The following TRPC3 variants were observed in gnomAD, a reference collection of about 807,000 sequenced individuals.
TRPC3 encodes transient receptor potential cation channel subfamily C member 3, also known as short transient receptor potential channel 3.
In TRPC3, 54 loss-of-function variants were observed where a neutral mutation model predicts 90.9. The observed-to-expected ratio is 0.59, with a 90% CI of 0.48 to 0.75. The LOEUF (loss-of-function observed/expected upper bound fraction) is 0.75. TRPC3 is among the 30% of genes least tolerant of loss of function. The pLI, the probability that TRPC3 is intolerant of heterozygous loss-of-function variation, is 0.00. For missense variants in TRPC3, 918 were observed against 1,194.5 expected, an observed-to-expected ratio of 0.77 and a Z score of 3.41; for synonymous variants, 424 against 450.9, an observed-to-expected ratio of 0.94 and a Z score of 0.75.
rs111824166 is a variant in TRPC3, at chr4:121,890,787, C to T, written c.2548-8358G>A. Among the ~76,000 whole-genome samples, 371 of 151,828 alleles carry T rather than the reference C, an allele frequency of 2.4e-3. 1 individual carries two copies. The highest frequency in any genetic ancestry group is 7.5e-3 in the African/African-American group (311 of 41,396). On this transcript the variant is annotated intron_variant, in intron 10 of 11. Transcript: ENST00000379645. ...TGGGTGGATCATGAGGTCAGGAGAT[C>T]GAGACTATCCTGGCTAACACAATGA...
At chr4:121,900,545 G>A (rs2149116466) in intron 9 of TRPC3, among the ~76,000 whole-genome samples, 1 of 152,296 alleles carries the variant, frequency 6.6e-6, no homozygotes, top group East Asian at 1.9e-4. Flanking sequence ...GAAAACCTTA[G>A]CTAACAAAGT....
chr4:121,932,418 G>A lies in TRPC3; in HGVS notation c.840C>T (p.Ser280=), dbSNP rs1468212557. 2.5e-6 allele frequency: 4 copies of A among 1,614,202 alleles called. No individual in the cohort carries two copies. The Admixed American group carries it at 6.7e-5, about 27-fold the overall frequency. The change falls in exon 2 of 12, where the codon TCC becomes TCT. Residue 280 remains serine (S), a synonymous_variant. Transcript: ENST00000379645. This position sits in a 1 kb window ranked among gnomAD's most constrained non-coding sequence, Gnocchi z 7.7. Reference sequence around the variant, plus strand: ...TGATCCTCGAGCGTGAGTGGCTGAAGGAGTCGTGCCTCTGCTTCTCCATGC... The same window carrying A: ...TGATCCTCGAGCGTGAGTGGCTGAAAGAGTCGTGCCTCTGCTTCTCCATGC... ...GDCMEKQRHD[S]FSHSRSRINA...
At chr4:121,931,007 A>T (rs909628082) in intron 2 of TRPC3, among the ~76,000 whole-genome samples, 2 of 152,170 alleles carry the variant, frequency 1.3e-5, no homozygotes, top group African/African-American at 4.8e-5. Flanking sequence ...CATCAGAAAA[A>T]TATTTTAATG....
At chr4:121,907,242 T>G (rs1280464058) in intron 7 of TRPC3, 61 bp downstream of exon 7, 1 of 1,467,726 alleles carries the variant, frequency 6.8e-7, no homozygotes, top group Non-Finnish European at 9.2e-7. Context: ...TTTCCTTTGC[T>G]TCCTCTAGAT....
rs1288242599 is a variant in TRPC3 at position 121,951,979 on chromosome 4, A to AAG, written c.-300_-299insCT. Among the ~76,000 whole-genome samples the AAG allele has an allele frequency of 2.7e-5, 4 of 147,710 alleles. No homozygotes were observed. Among genetic ancestry groups the AAG allele is most frequent in the Non-Finnish European group, 6.0e-5 (4 of 66,788 alleles). ...GCTCTGGTGCTGGGAGAGGCTCTCC[A>AAG]GCCCCGCGGCGGCGGCGATGCCTCC... On this transcript the variant is annotated 5_prime_UTR_variant, in exon 1 of 12. It removes the in-frame stop codon of an upstream open reading frame in the 5' UTR. Transcript: ENST00000379645. This position sits in a 1 kb window ranked among gnomAD's most constrained non-coding sequence, Gnocchi z 4.4.
At chr4:121,896,864 G>A (rs952891278) in intron 10 of TRPC3, among the ~76,000 whole-genome samples, 1 of 151,908 alleles carries the variant, frequency 6.6e-6, no homozygotes, top group African/African-American at 2.4e-5. Flanking sequence ...AACAAATCTG[G>A]AAGTATCACA....
Position 121,875,777 on chromosome 4 carries a change from CTGAG to C in TRPC3, c.*3955_*3958del, listed in dbSNP as rs1325046566. On this transcript the variant is annotated 3_prime_UTR_variant, in exon 12 of 12. Transcript: ENST00000379645. ...CCATCAACACGCTAGTGGTGGTCAG[CTGAG>C]TGACTGAGTCATGAGTAAAAACATT... Among the ~76,000 whole-genome samples the C allele has an allele frequency of 6.6e-6, 1 of 151,984 alleles. No individual in the cohort carries two copies. Among genetic ancestry groups the C allele is most frequent in the Non-Finnish European group, 1.5e-5 (1 of 68,016 alleles).
chr4:121,899,441 T>A (rs1728628335), intron 10 of TRPC3, among the ~76,000 whole-genome samples, 171 bp downstream of exon 10: 2 of 152,066 alleles, frequency 1.3e-5, no homozygotes, highest in Non-Finnish European at 2.9e-5. Context: ...TTTTTAATTT[T>A]TTTTTAAAAA....
At chr4:121,902,087 G>A (rs1264247494) in intron 9 of TRPC3, among the ~76,000 whole-genome samples, 1 of 152,024 alleles carries the variant, frequency 6.6e-6, no homozygotes, top group African/African-American at 2.4e-5. Flanking sequence ...ATGCTTTATG[G>A]GGATAACATT....
chr4:121,889,857 T>C (rs1159382362), intron 10 of TRPC3, among the ~76,000 whole-genome samples: 2 of 152,100 alleles, frequency 1.3e-5, no homozygotes, highest in Non-Finnish European at 2.9e-5. Flanking sequence ...TGAAGAGACA[T>C]CTGTACTCCC....
chr4:121,921,162 T>C (rs1210989685), intron 3 of TRPC3, among the ~76,000 whole-genome samples: 1 of 152,192 alleles, frequency 6.6e-6, no homozygotes, highest in Non-Finnish European at 1.5e-5. Context: ...CTGGGAATCC[T>C]GAGCCCAGTT....
intron 9 of TRPC3, among the ~76,000 whole-genome samples, chr4:121,900,725 T>C (rs1728672211): frequency 6.6e-6 from 1 of 152,230 alleles, no homozygotes; most frequent in African/African-American, 2.4e-5. Flanking sequence ...AGAGTATCTA[T>C]GAATATGAGT....
At chr4:121,893,692 A>G (rs574447202) in intron 10 of TRPC3, among the ~76,000 whole-genome samples, 1 of 152,196 alleles carries the variant, frequency 6.6e-6, no homozygotes, top group Non-Finnish European at 1.5e-5. Context: ...AATACTTTAA[A>G]TATTAAAAAG....
chr4:121,893,432 C>T (rs973728831), intron 10 of TRPC3, among the ~76,000 whole-genome samples: 3 of 151,904 alleles, frequency 2.0e-5, no homozygotes, highest in African/African-American at 7.3e-5. Flanking sequence ...TTCAACACAC[C>T]CAACTGTATA....
chr4:121,945,124 A>T (rs1319047480), intron 1 of TRPC3, among the ~76,000 whole-genome samples: 1 of 152,224 alleles, frequency 6.6e-6, no homozygotes, highest in Non-Finnish European at 1.5e-5. Flanking sequence ...AATTCAGATG[A>T]CCTTCTTATC....
chr4:121,879,980 G>T lies in TRPC3; in HGVS notation c.2624-102C>A, dbSNP rs1234440584. ...AATATCAATGTATTTGCTTCATAAG[G>T]TCTCCAAGGTAGCTACTTCAAAGTT... is the stretch of plus-strand genomic sequence containing the variant. On this transcript the variant is annotated intron_variant, in intron 11 of 11. Coordinates refer to ENST00000379645, the MANE Select transcript of TRPC3 (RefSeq NM_001130698.2). 1.3e-4 allele frequency: 145 copies of T among 1,130,634 alleles called. No individual in the cohort carries two copies. The South Asian group carries it at 1.8e-3, about 14-fold the overall frequency. 70.0% of individuals were successfully genotyped at this position (1,130,634 alleles called of 1,614,324 possible).
At chr4:121,941,890 C>T (rs1730329752) in intron 1 of TRPC3, among the ~76,000 whole-genome samples, 1 of 152,140 alleles carries the variant, frequency 6.6e-6, no homozygotes, top group African/African-American at 2.4e-5. Context: ...AGTACACCAG[C>T]ATGCAAGGCT....
intron 10 of TRPC3, among the ~76,000 whole-genome samples, chr4:121,899,100 A>G (rs1728615759): frequency 6.6e-6 from 1 of 152,188 alleles, no homozygotes. Context: ...CCTGAGTTGG[A>G]GAATAGTGTT....
At chr4:121,900,990 G>C (rs568442065) in intron 9 of TRPC3, among the ~76,000 whole-genome samples, 20 of 152,224 alleles carry the variant, frequency 1.3e-4, no homozygotes, top group Non-Finnish European at 2.5e-4. Context: ...CTGTGAACAG[G>C]CTGTATTTTC....
Sources: gnomAD v4.1 joint callset for allele counts (sites outside exome capture counted in the v4.1 genomes callset) on GRCh38, gnomAD v4.1.1 for gene constraint, Gnocchi (gnomAD v3.1) non-coding constraint, MANE v1.5 for transcripts, NCBI Gene and HGNC (gene_info 2026-07-23, HGNC 2026-07-21) for gene names.